The following ZNF780B variants were observed in gnomAD, a reference collection of about 807,000 sequenced individuals.
The protein encoded by ZNF780B is zinc finger protein 780B, also known as zinc finger protein 779.
In ZNF780B, 52 loss-of-function variants were observed where a neutral mutation model predicts 74.1. That is an observed-to-expected ratio of 0.70 (90% CI 0.56 to 0.88). The LOEUF (loss-of-function observed/expected upper bound fraction) is 0.88, where lower values mean the gene tolerates loss of function less well. Among genes scored for constraint, ZNF780B ranks in the 40% least tolerant of loss-of-function variants. The pLI is 0.00. For missense variants in ZNF780B, 953 were observed against 1,007.6 expected, an observed-to-expected ratio of 0.95 and a Z score of 0.73; for synonymous variants, 315 against 324.3, an observed-to-expected ratio of 0.97 and a Z score of 0.31.
chr19:40,033,502 T>C lies in ZNF780B; in HGVS notation c.*855A>G, dbSNP rs77628948. On this transcript the variant is annotated 3_prime_UTR_variant, in exon 5 of 5. Coordinates refer to ENST00000434248, the MANE Select transcript of ZNF780B (RefSeq NM_001005851.3). ...TGTGGCTATAAAATATCCCACATTC[T>C]TTACACTCAAAGGAGTTCTCAGCAG... 6.7e-3 allele frequency: 1,017 copies of C among 152,836 alleles called. 5 individuals carry two copies. The highest frequency in any genetic ancestry group is 0.012 in the Non-Finnish European group (793 of 68,140). 9.5% of individuals were successfully genotyped at this position (152,836 alleles called of 1,614,324 possible).
At chr19:40,038,690 T>A (rs2144740423) in intron 4 of ZNF780B, among the ~76,000 whole-genome samples, 1 of 152,240 alleles carries the variant, frequency 6.6e-6, no homozygotes, top group East Asian at 1.9e-4. Flanking sequence ...TTTTCATGTG[T>A]TTTTTGGCTG....
chr19:40,034,967 T>C lies in ZNF780B; in HGVS notation c.1892A>G (p.His631Arg), dbSNP rs1249777974. Residue 631 changes from histidine to arginine, a missense_variant, in exon 5 of 5, where the codon CAT (histidine) becomes CGT (arginine). By Grantham distance (29) the His-to-Arg change is conservative (BLOSUM62 0). Coordinates refer to ENST00000434248, the MANE Select transcript of ZNF780B (RefSeq NM_001005851.3). Reference protein sequence around the residue: ...AFSLHTQLNHHKNIHTGEKPF... With the variant: ...AFSLHTQLNHRKNIHTGEKPF... ...CTTCTCACCTGTGTGAATGTTCTTA[T>C]GGTGATTAAGCTGGGTGTGAAGACT... 1.9e-6 allele frequency: 3 copies of C among 1,614,172 alleles called. No individual in the cohort carries two copies. Among genetic ancestry groups the C allele is most frequent in the South Asian group, 1.1e-5 (1 of 91,090 alleles).
At chr19:40,051,249 T>C (rs1189545314) in intron 1 of ZNF780B, among the ~76,000 whole-genome samples, 4 of 151,896 alleles carry the variant, frequency 2.6e-5, no homozygotes, top group Non-Finnish European at 5.9e-5. Context: ...TACACACATA[T>C]ACACATGTGT....
rs374031931 is a variant in ZNF780B, at chr19:40,034,781, C to A, written c.2078G>T (p.Ser693Ile). The A allele has an allele frequency of 1.9e-5, 30 of 1,613,796 alleles. No individual in the cohort carries two copies. The highest frequency in any genetic ancestry group is 2.5e-5 in the Non-Finnish European group (30 of 1,179,970). Residue 693 changes from serine to isoleucine, a missense_variant, in exon 5 of 5, where the codon AGT (serine) becomes ATT (isoleucine). By Grantham distance (142) the Ser-to-Ile change is moderately radical (BLOSUM62 -2). Transcript: ENST00000434248. ...CTCCTTACATACAAAGGGTTTCGCA[C>A]TGGAATGAGTTTTCTGATGCTGAAT... is the stretch of plus-strand genomic sequence containing the variant. ...NLIQHQKTHS[S>I]AKPFVCKECR...
At chr19:40,038,791 A>G (rs1218638638) in intron 4 of ZNF780B, among the ~76,000 whole-genome samples, 1 of 151,644 alleles carries the variant, frequency 6.6e-6, no homozygotes, top group East Asian at 1.9e-4. Flanking sequence ...GTTTGAGTTC[A>G]TTGTAGATTC....
chr19:40,045,262 G>C (rs1050074464), intron 4 of ZNF780B, among the ~76,000 whole-genome samples: 1 of 152,152 alleles, frequency 6.6e-6, no homozygotes, highest in African/African-American at 2.4e-5. Flanking sequence ...GGACGTCACT[G>C]TGCCACTCTC....
rs2144704499 is a variant in ZNF780B at position 40,035,290 on chromosome 19, G to A, written c.1569C>T (p.His523=). ...TACATTCATAGGGCTTCTCACCAGT[G>A]TGAATACTCTGATGTTGAACAAGGT... The part of the protein sequence containing the change: ...GSNLVQHQSI[H]TGEKPYECKE... The change falls in exon 5 of 5, where the codon CAC becomes CAT. Residue 523 remains histidine, a synonymous_variant. Transcript: ENST00000434248. 6.2e-7 allele frequency: 1 copy of A among 1,611,956 alleles called. No individual in the cohort carries two copies. The highest frequency in any genetic ancestry group is 1.7e-5 in the Admixed American group (1 of 59,844).
Position 40,036,458 on chromosome 19 carries a change from T to A in ZNF780B, c.401A>T (p.His134Leu), listed in dbSNP as rs755594349. 6.2e-7 allele frequency: 1 copy of A among 1,609,704 alleles called. No individual in the cohort carries two copies. The stretch of plus-strand genomic sequence containing the variant: ...CTTCTGGTTGATATATCCTTCTTGA[T>A]GTCCCTGTCGTCCCTCAAATCTACT... Reference protein sequence around the residue: ...YRSRFEGRQGHQEGYINQKII... With the variant: ...YRSRFEGRQGLQEGYINQKII... Residue 134 changes from histidine to leucine, a missense_variant, in exon 5 of 5, where the codon CAT becomes CTT. By Grantham distance (99) the His-to-Leu change is moderately conservative. Transcript: ENST00000434248.
In ZNF780B at chr19:40,033,017, G is replaced by T. The variant is rs1206027353; in HGVS notation, c.*1340C>A. ...ATTGTTAACAATTTTGAATCTAGGT[G>T]GGGGGGATATGTGTATATATTTTAC... is the stretch of plus-strand genomic sequence containing the variant. On this transcript the variant is annotated 3_prime_UTR_variant, in exon 5 of 5. Coordinates refer to ENST00000434248, the MANE Select transcript of ZNF780B (RefSeq NM_001005851.3). The T allele has an allele frequency of 6.6e-6, 1 of 152,088 alleles. No homozygotes were observed. Among genetic ancestry groups the T allele is most frequent in the Non-Finnish European group, 1.5e-5 (1 of 68,166 alleles). The allele number at this position is 152,088 out of a possible 1,614,324, so 9.4% of individuals were successfully genotyped here.
rs765291021 is a variant in ZNF780B at position 40,034,521 on chromosome 19, G to T, written c.2338C>A (p.Pro780Thr). ...TTCCCACACTCCTTACATTCATAGG[G>T]TTTCTCACCAGTATGAATACTCTGA... The part of the protein sequence containing the change: ...QPQSIHTGEK[P>T]YECKECGKAF... Residue 780 changes from proline to threonine, a missense_variant, in exon 5 of 5, where the codon CCC becomes ACC. Physicochemically the swap from Pro to Thr is conservative, Grantham distance 38. Transcript: ENST00000434248. 1.6e-5 allele frequency: 26 copies of T among 1,613,886 alleles called. 1 individual carries two copies. In the South Asian group the frequency reaches 2.7e-4, roughly 17 times the overall value.
intron 4 of ZNF780B, among the ~76,000 whole-genome samples, chr19:40,044,290 C>T (rs1283780921): frequency 1.3e-5 from 2 of 152,064 alleles, no homozygotes; most frequent in Non-Finnish European, 2.9e-5. Flanking sequence ...CTCAGAGATA[C>T]CCAAATAGAT....
Position 40,033,673 on chromosome 19 carries a change from T to C in ZNF780B, c.*684A>G, listed in dbSNP as rs1972095749. ...ACAGTGAAGGCTTGTCTACACTCCT[T>C]ATATTCATAAAACTTCTAACTATAA... On this transcript the variant is annotated 3_prime_UTR_variant, in exon 5 of 5. Transcript: ENST00000434248. The C allele has an allele frequency of 6.4e-6, 1 of 155,532 alleles. No individual in the cohort carries two copies. Among genetic ancestry groups the C allele is most frequent in the Non-Finnish European group, 1.5e-5 (1 of 68,850 alleles). 9.6% of individuals were successfully genotyped at this position (155,532 alleles called of 1,614,324 possible).
In ZNF780B at chr19:40,029,726, CATGAGTTGATT is replaced by C. The variant is rs1489943729; in HGVS notation, c.*4620_*4630del. 1 of 152,136 alleles carries C rather than the reference CATGAGTTGATT, an allele frequency of 6.6e-6. No individual in the cohort carries two copies. The highest frequency in any genetic ancestry group is 2.4e-5 in the African/African-American group (1 of 41,398). 9.4% of individuals were successfully genotyped at this position (152,136 alleles called of 1,614,324 possible). A position where few individuals can be genotyped will look rare whatever the true frequency, so the allele number is the denominator to read the frequency against. ...TCCCTAAGATAAGAGGGTATTAAAT[CATGAGTTGATT>C]CCATGACTCAGGACAAGAGGCATGG... On this transcript the variant is annotated 3_prime_UTR_variant, in exon 5 of 5. Transcript: ENST00000434248.
At chr19:40,050,493 C>A in intron 1 of ZNF780B, 116 bp from the exon 2 acceptor site, 9 of 999,382 alleles carry the variant, frequency 9.0e-6, no homozygotes, top group Non-Finnish European at 1.0e-5. Flanking sequence ...CACACGCACA[C>A]TTCCACCCTT....
Position 40,047,366 on chromosome 19 carries a change from C to G in ZNF780B, c.232+9G>C. 2 of 1,609,888 alleles carry G rather than the reference C, an allele frequency of 1.2e-6. No individual in the cohort carries two copies. Among genetic ancestry groups the G allele is most frequent in the Non-Finnish European group, 1.7e-6 (2 of 1,176,356 alleles). ...ATGGCTTCCCCCTGCCTGCTTTACT[C>G]TCACTTACCTGGATACCATCTGCTT... On this transcript the variant is annotated intron_variant, in intron 4 of 4. Coordinates refer to ENST00000434248, the MANE Select transcript of ZNF780B (RefSeq NM_001005851.3).
chr19:40,054,898 T>A (rs1283386480), intron 1 of ZNF780B, among the ~76,000 whole-genome samples: 1 of 152,228 alleles, frequency 6.6e-6, no homozygotes, highest in Admixed American at 6.5e-5. Flanking sequence ...AACTGCCGAA[T>A]CTCACAGAGA....
Position 40,031,819 on chromosome 19 carries a change from A to G in ZNF780B, c.*2538T>C, listed in dbSNP as rs1327311948. On this transcript the variant is annotated 3_prime_UTR_variant, in exon 5 of 5. Coordinates refer to ENST00000434248, the MANE Select transcript of ZNF780B (RefSeq NM_001005851.3). ...CAGGGCTTAAGTACACGTGACTATAACTTTTCAGAGATGACAACGTCTCTC... is the reference window on the plus strand; with the variant it reads ...CAGGGCTTAAGTACACGTGACTATAGCTTTTCAGAGATGACAACGTCTCTC... 2 of 273,254 alleles carry G rather than the reference A, an allele frequency of 7.3e-6. No homozygotes were observed. Among genetic ancestry groups the G allele is most frequent in the Non-Finnish European group, 7.4e-6 (1 of 135,598 alleles). The allele number at this position is 273,254 out of a possible 1,614,324, so 16.9% of individuals were successfully genotyped here. A position where few individuals can be genotyped will look rare whatever the true frequency, so the allele number is the denominator to read the frequency against.
chr19:40,036,503 C>G lies in ZNF780B; in HGVS notation c.356G>C (p.Arg119Thr). 1 of 1,609,438 alleles carries G rather than the reference C, an allele frequency of 6.2e-7. No individual in the cohort carries two copies. Among genetic ancestry groups the G allele is most frequent in the Non-Finnish European group, 8.5e-7 (1 of 1,178,368 alleles). The change falls in exon 5 of 5, where the codon AGA becomes ACA. Residue 119 changes from arginine to threonine, a missense_variant. Arg to Thr is a moderately conservative substitution (Grantham distance 71, BLOSUM62 -1). Transcript: ENST00000434248. Reference sequence around the variant, plus strand: ...TCTACTTCTATATTCTGAGTCATTTCTAAAATAAAAGGCCTCGAGGCCAAG... The same window carrying G: ...TCTACTTCTATATTCTGAGTCATTTGTAAAATAAAAGGCCTCGAGGCCAAG... Reference protein sequence around the residue: ...KTLGLEAFYFRNDSEYRSRFE... With the variant: ...KTLGLEAFYFTNDSEYRSRFE...
chr19:40,036,655 TTTA>T, intron 4 of ZNF780B, 29 bp from the exon 5 acceptor site: 1 of 1,386,278 alleles, frequency 7.2e-7, no homozygotes, highest in Non-Finnish European at 9.7e-7. Context: ...GCAAACCTAT[TTTA>T]TTTTCCTATA....
Sources: allele counts gnomAD v4.1 joint callset (sites outside exome capture counted in the v4.1 genomes callset), GRCh38; gene constraint gnomAD v4.1.1; transcripts MANE v1.5; gene names NCBI Gene and HGNC (gene_info 2026-07-23, HGNC 2026-07-21).